Variants in LRP1B observed in about 807,000 individuals in gnomAD.
LRP1B encodes the protein LDL receptor related protein 1B.
A neutral mutation model predicts 556.6 loss-of-function variants in LRP1B; 217 were observed. The observed-to-expected ratio is 0.39, with a 90% confidence interval of 0.35 to 0.44. LRP1B has a LOEUF of 0.44. Among genes scored for constraint, LRP1B ranks in the 20% least tolerant of loss-of-function variants. LRP1B has a pLI of 1.00. For synonymous variants in LRP1B, 2,047 were observed against 1,865.8 expected, an observed-to-expected ratio of 1.10 and a Z score of -2.50; for missense variants, 5,053 against 5,620.8, an observed-to-expected ratio of 0.90 and a Z score of 3.23.
intron 18 of LRP1B, among the ~76,000 whole-genome samples, chr2:140,971,720 G>C (rs991553918): frequency 6.6e-5 from 10 of 152,180 alleles, no homozygotes; most frequent in African/African-American, 2.4e-4. Flanking sequence ...TGTAGTCCCA[G>C]CTACTCAGGA....
At chr2:142,001,438 A>C (rs1559014489) in intron 1 of LRP1B, among the ~76,000 whole-genome samples, 1 of 152,210 alleles carries the variant, frequency 6.6e-6, no homozygotes, top group African/African-American at 2.4e-5. Flanking sequence ...AAAGAAGGCC[A>C]GCACATTGCT....
chr2:140,428,997 C>G (rs575721190), intron 66 of LRP1B, among the ~76,000 whole-genome samples: 2 of 152,184 alleles, frequency 1.3e-5, no homozygotes, highest in African/African-American at 4.8e-5. Flanking sequence ...GCCTCCTTTG[C>G]GTTCTCCTCT....
chr2:140,622,825 A>G (rs1382157219), intron 41 of LRP1B, among the ~76,000 whole-genome samples: 1 of 152,194 alleles, frequency 6.6e-6, no homozygotes, highest in East Asian at 1.9e-4. Flanking sequence ...GTGGCCCTAA[A>G]CAGGGATCAG....
intron 1 of LRP1B, among the ~76,000 whole-genome samples, chr2:141,851,765 C>T (rs978228618): frequency 5.9e-5 from 9 of 151,576 alleles, no homozygotes; most frequent in African/African-American, 2.2e-4. Flanking sequence ...TAAGTGCTTT[C>T]CGCCACATGG....
chr2:140,286,816 A>G (rs1683170929), intron 84 of LRP1B, among the ~76,000 whole-genome samples: 1 of 151,850 alleles, frequency 6.6e-6, no homozygotes. Flanking sequence ...ATAAGCACTC[A>G]AAGTATCTAT....
At chr2:140,857,626 T>C (rs951216152) in intron 27 of LRP1B, among the ~76,000 whole-genome samples, 23 of 152,132 alleles carry the variant, frequency 1.5e-4, no homozygotes, top group African/African-American at 5.5e-4. Flanking sequence ...GGAGCAATGT[T>C]CCTCAAATTA....
At chr2:141,622,180 C>T (rs112742242) in intron 2 of LRP1B, among the ~76,000 whole-genome samples, 87 of 152,190 alleles carry the variant, frequency 5.7e-4, no homozygotes, top group African/African-American at 2.0e-3. Flanking sequence ...TGTGAGCCAC[C>T]GCGCCTGGCT....
intron 2 of LRP1B, among the ~76,000 whole-genome samples, chr2:141,618,293 A>G (rs1688383833): frequency 6.6e-6 from 1 of 152,176 alleles, no homozygotes; most frequent in Non-Finnish European, 1.5e-5. Context: ...ACAGATTCCT[A>G]TAGAAGTTGG....
intron 31 of LRP1B, among the ~76,000 whole-genome samples, chr2:140,826,476 CA>C (rs902665680): frequency 6.6e-6 from 1 of 151,988 alleles, no homozygotes; most frequent in Non-Finnish European, 1.5e-5. Context: ...AAGAGAAAAC[CA>C]AAAATAATTA....
chr2:141,948,661 TAA>T (rs2105029251), intron 1 of LRP1B, among the ~76,000 whole-genome samples: 1 of 152,160 alleles, frequency 6.6e-6, no homozygotes, highest in Admixed American at 6.5e-5. Context: ...GTGTTAAGTA[TAA>T]AATACTAGTT....
At chr2:141,749,160 TC>T (rs1169667009) in intron 2 of LRP1B, among the ~76,000 whole-genome samples, 1 of 152,156 alleles carries the variant, frequency 6.6e-6, no homozygotes, top group Non-Finnish European at 1.5e-5. Flanking sequence ...ATATTTTTAT[TC>T]CCTCATTATA....
chr2:141,210,246 A>G (rs1259325315), intron 6 of LRP1B, among the ~76,000 whole-genome samples: 2 of 116,246 alleles, frequency 1.7e-5, no homozygotes, highest in Non-Finnish European at 4.3e-5. Context: ...GTCAGGAAAT[A>G]TAAGAAAAAA....
In LRP1B at chr2:140,583,171, C is replaced by CTTTTCT. The variant is rs1553491151; in HGVS notation, c.7194+15459_7194+15460insAGAAAA. Among the ~76,000 whole-genome samples the CTTTTCT allele has an allele frequency of 7.1e-3, 342 of 48,050 alleles. 3 individuals are homozygous for CTTTTCT. Among genetic ancestry groups the CTTTTCT allele is most frequent in the Middle Eastern group, 0.02 (2 of 102 alleles). 31.5% of individuals were successfully genotyped at this position (48,050 alleles called of 152,430 possible). On this transcript the variant is annotated intron_variant, in intron 43 of 90. Coordinates refer to ENST00000389484, the MANE Select transcript of LRP1B (RefSeq NM_018557.3). ...CTATTGACAGTTTCTCCTTTTTTTT[C>CTTTTCT]TTTTTTTTTTTTTTTTTTTTTTGAG...
chr2:141,506,471 G>T (rs2105142805), intron 2 of LRP1B, among the ~76,000 whole-genome samples: 1 of 152,156 alleles, frequency 6.6e-6, no homozygotes, highest in South Asian at 2.1e-4. Context: ...GCTTATACGT[G>T]CACTAGTGTA....
chr2:141,038,817 C>T (rs1244897896), intron 11 of LRP1B, among the ~76,000 whole-genome samples: 1 of 151,932 alleles, frequency 6.6e-6, no homozygotes, highest in Non-Finnish European at 1.5e-5. Context: ...ACTAAGAATT[C>T]CATAATGCTA....
intron 1 of LRP1B, among the ~76,000 whole-genome samples, chr2:141,865,851 T>A (rs940632757): frequency 1.3e-5 from 2 of 152,234 alleles, no homozygotes; most frequent in Non-Finnish European, 2.9e-5. Context: ...AGAGCTGGCA[T>A]GTGAGCTCAC....
At chr2:140,783,288 A>T (rs1280853611) in intron 32 of LRP1B, among the ~76,000 whole-genome samples, 2 of 152,140 alleles carry the variant, frequency 1.3e-5, no homozygotes, top group Admixed American at 6.5e-5. Context: ...TTTTCTAAAA[A>T]ATCAGCCCTT....
intron 1 of LRP1B, among the ~76,000 whole-genome samples, chr2:142,100,874 G>T (rs562224852): frequency 1.3e-5 from 2 of 151,900 alleles, no homozygotes; most frequent in East Asian, 3.9e-4. Context: ...CCCCACACAC[G>T]TTTCCCCTTC....
At chr2:140,666,983 T>C (rs1235257823) in intron 41 of LRP1B, among the ~76,000 whole-genome samples, 1 of 152,224 alleles carries the variant, frequency 6.6e-6, no homozygotes, top group African/African-American at 2.4e-5. Context: ...CTTGCTCAAA[T>C]GCACAGGACA....
Sources: allele counts gnomAD v4.1 joint callset (sites outside exome capture counted in the v4.1 genomes callset), GRCh38; gene constraint gnomAD v4.1.1; transcripts MANE v1.5; gene names NCBI Gene and HGNC (gene_info 2026-07-23, HGNC 2026-07-21).